Variants in CSMD1 observed in about 807,000 individuals in gnomAD.
CSMD1 encodes the protein CUB and Sushi multiple domains 1, also known as CUB and sushi domain-containing protein 1.
A neutral mutation model predicts 417.5 loss-of-function variants in CSMD1; 213 were observed. That is an observed-to-expected ratio of 0.51 (90% confidence interval 0.46 to 0.57). The LOEUF (loss-of-function observed/expected upper bound fraction) is 0.57, where lower values mean the gene tolerates loss of function less well. Among genes scored for constraint, CSMD1 ranks in the 20% least tolerant of loss-of-function variants. The pLI, the probability that CSMD1 is intolerant of heterozygous loss-of-function variation, is 0.00. For missense variants in CSMD1, 6,923 were observed against 4,529.7 expected (o/e 1.53, Z -15.17); for synonymous variants, 2,862 against 1,736.8 (o/e 1.65, Z -16.11).
chr8:3,877,689 A>C (rs1805916445), intron 5 of CSMD1, among the ~76,000 whole-genome samples: 2 of 136,590 alleles, frequency 1.5e-5, no homozygotes, highest in Admixed American at 1.4e-4. Flanking sequence ...CATGGCTTGT[A>C]CATTTTATAT....
chr8:4,300,146 T>C (rs75660087), intron 3 of CSMD1, among the ~76,000 whole-genome samples: 2,315 of 152,280 alleles, frequency 0.015, 33 homozygotes, highest in South Asian at 0.053. Flanking sequence ...TGCATAGTTA[T>C]CTTTCATAAA....
intron 1 of CSMD1, among the ~76,000 whole-genome samples, chr8:4,680,975 T>TGAGAGAGA (rs59872965): frequency 1.5e-5 from 2 of 136,776 alleles, no homozygotes; most frequent in African/African-American, 5.5e-5. Context: ...TGTGTGTGTG[T>TGAGAGAGA]GAGAGAGAGA....
intron 5 of CSMD1, among the ~76,000 whole-genome samples, chr8:3,879,247 G>A (rs530192949): frequency 6.6e-6 from 1 of 152,220 alleles, no homozygotes; most frequent in African/African-American, 2.4e-5. Flanking sequence ...GTGTATATAG[G>A]ATTGTATATT....
chr8:4,071,262 C>T (rs1000679487), intron 3 of CSMD1, among the ~76,000 whole-genome samples: 5 of 152,064 alleles, frequency 3.3e-5, no homozygotes, highest in Admixed American at 2.0e-4. Flanking sequence ...AAGCCTGACG[C>T]CCTGCTTGTT....
chr8:4,818,756 T>C (rs1799352089), intron 1 of CSMD1, among the ~76,000 whole-genome samples: 2 of 152,222 alleles, frequency 1.3e-5, no homozygotes, highest in African/African-American at 2.4e-5. Flanking sequence ...AGTCTGATTA[T>C]AATAGCTACA....
intron 1 of CSMD1, among the ~76,000 whole-genome samples, chr8:4,811,442 ATTT>A: frequency 6.6e-6 from 1 of 152,218 alleles, no homozygotes; most frequent in African/African-American, 2.4e-5. Context: ...CTATTTGATT[ATTT>A]TTGTTCTAGA....
intron 7 of CSMD1, among the ~76,000 whole-genome samples, chr8:3,680,606 G>T (rs1437932772): frequency 6.6e-6 from 1 of 152,102 alleles, no homozygotes; most frequent in Non-Finnish European, 1.5e-5. Flanking sequence ...TCTATCAGAC[G>T]TACAAAGAGG....
chr8:3,091,597 T>C lies in CSMD1; in HGVS notation c.7204A>G (p.Thr2402Ala). 1 of 1,611,538 alleles carries C rather than the reference T, an allele frequency of 6.2e-7. No homozygotes were observed. The highest frequency in any genetic ancestry group is 8.5e-7 in the Non-Finnish European group (1 of 1,179,398). ...SGNHTEQSNF[T>A]SRSNQLYLRW... ...AGATATAACTGATTACTCCTGCTTG[T>C]AAAATTTGATTGTTCAGTATGATTC... Residue 2402 changes from threonine to alanine, a missense_variant, in exon 48 of 70, where the codon ACA (threonine) becomes GCA (alanine). By Grantham distance (58) the Thr-to-Ala change is moderately conservative. Transcript: ENST00000635120.
At chr8:3,051,714 T>C (rs1036480001) in intron 50 of CSMD1, among the ~76,000 whole-genome samples, 5 of 152,230 alleles carry the variant, frequency 3.3e-5, no homozygotes, top group African/African-American at 9.6e-5. Flanking sequence ...AGAAATGTTA[T>C]ATAGTTTTTA....
chr8:3,548,441 A>G (rs1798767946), intron 10 of CSMD1, among the ~76,000 whole-genome samples: 1 of 151,746 alleles, frequency 6.6e-6, no homozygotes, highest in African/African-American at 2.4e-5. Flanking sequence ...GTATCCCTCA[A>G]CCACTTCCCA....
At chr8:4,149,206 C>T (rs892717036) in intron 3 of CSMD1, among the ~76,000 whole-genome samples, 1 of 152,030 alleles carries the variant, frequency 6.6e-6, no homozygotes, top group African/African-American at 2.4e-5. Flanking sequence ...TCAGGTGATC[C>T]GTCCACCTCG....
intron 1 of CSMD1, among the ~76,000 whole-genome samples, chr8:4,825,099 T>G (rs1406485719): frequency 2.0e-5 from 3 of 152,156 alleles, no homozygotes; most frequent in Non-Finnish European, 4.4e-5. Flanking sequence ...CATTTATAAC[T>G]TGATGAACAA....
At chr8:4,812,406 G>C (rs538987099) in intron 1 of CSMD1, among the ~76,000 whole-genome samples, 1 of 152,182 alleles carries the variant, frequency 6.6e-6, no homozygotes, top group East Asian at 1.9e-4. Flanking sequence ...ATAGCACAGA[G>C]TAGTGACTTT....
At chr8:3,907,334 A>T (rs915863488) in intron 5 of CSMD1, among the ~76,000 whole-genome samples, 29 of 152,196 alleles carry the variant, frequency 1.9e-4, no homozygotes, top group Admixed American at 1.9e-3. Flanking sequence ...TGTTTCTAAA[A>T]GTTATAATTA....
chr8:4,636,797 G>A (rs2130857313), intron 2 of CSMD1, among the ~76,000 whole-genome samples: 1 of 152,204 alleles, frequency 6.6e-6, no homozygotes, highest in East Asian at 1.9e-4. Flanking sequence ...TTTCTTTTCT[G>A]GTAATGAGGG....
intron 7 of CSMD1, among the ~76,000 whole-genome samples, chr8:3,676,427 G>A (rs564966189): frequency 7.4e-4 from 113 of 152,268 alleles, no homozygotes; most frequent in Admixed American, 1.6e-3. Context: ...ACAGGCACCC[G>A]ATAAATGCTA....
At chr8:4,786,078 T>A (rs1797386035) in intron 1 of CSMD1, among the ~76,000 whole-genome samples, 1 of 151,904 alleles carries the variant, frequency 6.6e-6, no homozygotes. Context: ...ACGAATAAAA[T>A]GGCTACTGTG....
intron 3 of CSMD1, among the ~76,000 whole-genome samples, chr8:4,337,921 G>A (rs555805566): frequency 7.2e-5 from 11 of 152,122 alleles, no homozygotes; most frequent in African/African-American, 1.7e-4. Context: ...TGAACAAATC[G>A]TTTATCATTT....
At chr8:3,871,152 A>C (rs1164123273) in intron 5 of CSMD1, among the ~76,000 whole-genome samples, 1 of 152,094 alleles carries the variant, frequency 6.6e-6, no homozygotes, top group Non-Finnish European at 1.5e-5. Flanking sequence ...TACCTCACTC[A>C]TCATACTTTT....
Sources: allele counts gnomAD v4.1 joint callset (sites outside exome capture counted in the v4.1 genomes callset), GRCh38; gene constraint gnomAD v4.1.1; transcripts MANE v1.5; gene names NCBI Gene and HGNC (gene_info 2026-07-23, HGNC 2026-07-21).